Variants in FSHR observed in about 807,000 individuals in gnomAD.
FSHR encodes follicle-stimulating hormone receptor.
FSHR carries 46 observed loss-of-function variants against 52.1 expected under a neutral mutation model. The ratio of observed to expected loss-of-function variants is 0.88; its 90% CI spans 0.70 to 1.13. The LOEUF is 1.13. Among genes scored for constraint, FSHR ranks in the 50% most tolerant of loss-of-function variants. The pLI, the probability that FSHR is intolerant of heterozygous loss-of-function variation, is 0.00. For missense variants in FSHR, 964 were observed against 834.6 expected (o/e 1.16, Z -1.91); for synonymous variants, 399 against 309.6 (o/e 1.29, Z -3.03).
intron 1 of FSHR, among the ~76,000 whole-genome samples, chr2:49,149,820 T>A (rs1206153506): frequency 6.6e-6 from 1 of 152,034 alleles, no homozygotes; most frequent in Non-Finnish European, 1.5e-5. Flanking sequence ...TAATTAGAAG[T>A]AAATGCTAGT....
At position 49,006,418 on chromosome 2, in the gene FSHR, C is replaced by T. The variant is rs541151997; in HGVS notation, c.374+11071G>A. On this transcript the variant is annotated intron_variant, in intron 4 of 9. Transcript: ENST00000406846. Reference sequence around the variant, plus strand: ...TTCTCCCAATCTTACCCAACCCTATCCATCCAAATCTAGTCATACTCTTTC... The same window carrying T: ...TTCTCCCAATCTTACCCAACCCTATTCATCCAAATCTAGTCATACTCTTTC... Among the ~76,000 whole-genome samples, 4 of 152,198 alleles carry T rather than the reference C, an allele frequency of 2.6e-5. No individual in the cohort carries two copies. The East Asian group carries it at 7.8e-4, about 30-fold the overall frequency.
intron 2 of FSHR, among the ~76,000 whole-genome samples, chr2:49,034,805 G>C (rs765331105): frequency 1.6e-4 from 24 of 152,104 alleles, no homozygotes; most frequent in South Asian, 8.3e-4. Flanking sequence ...TAATCGACTT[G>C]ATACATGGAC....
At chr2:49,002,277 A>C (rs72875974) in intron 4 of FSHR, among the ~76,000 whole-genome samples, 2,840 of 152,170 alleles carry the variant, frequency 0.019, 101 homozygotes, top group African/African-American at 0.064. Context: ...TTAACTTTCA[A>C]AATGTTCCCA....
intron 8 of FSHR, among the ~76,000 whole-genome samples, chr2:48,979,179 T>C (rs1573036250): frequency 6.6e-6 from 1 of 152,124 alleles, no homozygotes; most frequent in African/African-American, 2.4e-5. Context: ...GTGTTATGAC[T>C]CACGCCTGTA....
intron 2 of FSHR, among the ~76,000 whole-genome samples, chr2:49,042,216 T>C (rs1431306179): frequency 6.6e-6 from 1 of 152,232 alleles, no homozygotes; most frequent in Admixed American, 6.5e-5. Flanking sequence ...AGAGATGCTT[T>C]TGAAAACTCA....
chr2:49,085,883 G>C (rs11890700), intron 1 of FSHR, among the ~76,000 whole-genome samples: 5 of 150,618 alleles, frequency 3.3e-5, no homozygotes, highest in Admixed American at 3.3e-4. Context: ...CAAACACCGC[G>C]TGTTCTCGCT....
chr2:48,964,098 G>T, intron 9 of FSHR, 132 bp from the exon 10 acceptor site: 1 of 756,678 alleles, frequency 1.3e-6, no homozygotes, highest in Non-Finnish European at 2.2e-6. Flanking sequence ...CATCATACCT[G>T]CCCTTGAGGC....
chr2:48,989,102 T>C (rs770530824), intron 5 of FSHR, 48 bp from the exon 6 acceptor site: 54 of 1,482,876 alleles, frequency 3.6e-5, no homozygotes, highest in Non-Finnish European at 4.8e-5. Flanking sequence ...GCTCTACTCA[T>C]GTAACCTTCC....
chr2:49,110,848 C>A (rs1225700814), intron 1 of FSHR, among the ~76,000 whole-genome samples: 1 of 152,020 alleles, frequency 6.6e-6, no homozygotes, highest in African/African-American at 2.4e-5. Context: ...GAAGAGTCAC[C>A]CAGACAAATA....
At chr2:49,123,441 C>T (rs772603382) in intron 1 of FSHR, among the ~76,000 whole-genome samples, 9 of 151,966 alleles carry the variant, frequency 5.9e-5, no homozygotes, top group South Asian at 2.1e-4. Context: ...GAGCCATGAT[C>T]GCATCACTGC....
intron 4 of FSHR, among the ~76,000 whole-genome samples, chr2:48,991,503 A>G (rs1280154764): frequency 1.3e-5 from 2 of 152,168 alleles, no homozygotes; most frequent in Non-Finnish European, 2.9e-5. Flanking sequence ...GTAAAAGGTG[A>G]CCCTATGGTG....
At chr2:48,986,201 T>C (rs2104082512) in intron 6 of FSHR, among the ~76,000 whole-genome samples, 1 of 152,280 alleles carries the variant, frequency 6.6e-6, no homozygotes, top group Non-Finnish European at 1.5e-5. Flanking sequence ...TGTTTAGCTC[T>C]TACAAGAGTG....
chr2:49,053,063 G>A (rs2104305996), intron 2 of FSHR, among the ~76,000 whole-genome samples: 1 of 152,270 alleles, frequency 6.6e-6, no homozygotes, highest in South Asian at 2.1e-4. Context: ...TCTGGGGGTG[G>A]AGGCTGGAGT....
At chr2:48,980,687 G>A (rs539076334) in intron 8 of FSHR, among the ~76,000 whole-genome samples, 1 of 152,148 alleles carries the variant, frequency 6.6e-6, no homozygotes, top group African/African-American at 2.4e-5. Flanking sequence ...TCAATTAAAC[G>A]TATTTATGGC....
intron 2 of FSHR, among the ~76,000 whole-genome samples, chr2:49,057,151 A>C (rs941380364): frequency 2.6e-5 from 4 of 152,144 alleles, no homozygotes; most frequent in Non-Finnish European, 4.4e-5. Flanking sequence ...AGTAGAAGAC[A>C]AAAATAATAA....
intron 2 of FSHR, among the ~76,000 whole-genome samples, chr2:49,031,191 C>T (rs1668088325): frequency 6.6e-6 from 1 of 152,122 alleles, no homozygotes; most frequent in Non-Finnish European, 1.5e-5. Flanking sequence ...GGTACTGGCT[C>T]TGTGCGGAGG....
chr2:49,107,191 T>C (rs1472363379), intron 1 of FSHR, among the ~76,000 whole-genome samples: 1 of 152,186 alleles, frequency 6.6e-6, no homozygotes, highest in Non-Finnish European at 1.5e-5. Flanking sequence ...TGCTGTTTCT[T>C]GATTGCACTA....
intron 1 of FSHR, 21 bp from the exon 2 acceptor site, chr2:49,068,311 A>T (rs764103741): frequency 4.4e-6 from 7 of 1,590,942 alleles, no homozygotes; most frequent in Non-Finnish European, 6.0e-6. Flanking sequence ...AGTAGAAATA[A>T]AATATCACAA....
chr2:49,107,233 G>A (rs1671256863), intron 1 of FSHR, among the ~76,000 whole-genome samples: 1 of 151,634 alleles, frequency 6.6e-6, no homozygotes, highest in African/African-American at 2.4e-5. Context: ...TTTTTTACAT[G>A]CTGTTCCCTC....
Sources: gnomAD v4.1 joint callset for allele counts (sites outside exome capture counted in the v4.1 genomes callset) on GRCh38, gnomAD v4.1.1 for gene constraint, MANE v1.5 for transcripts, NCBI Gene and HGNC (gene_info 2026-07-23, HGNC 2026-07-21) for gene names.